Variants in PDSS2 observed in about 807,000 individuals in gnomAD.
PDSS2 encodes all trans-polyprenyl-diphosphate synthase PDSS2.
A neutral mutation model predicts 44.5 loss-of-function variants in PDSS2; 31 were observed. The observed-to-expected ratio is 0.70, with a 90% CI of 0.52 to 0.94. PDSS2 has a LOEUF of 0.94. Among genes scored for constraint, PDSS2 ranks in the 40% least tolerant of loss-of-function variants. The pLI is 0.00. For missense variants in PDSS2, 452 were observed against 482.2 expected, an observed-to-expected ratio of 0.94 and a Z score of 0.59; for synonymous variants, 157 against 180.3, an observed-to-expected ratio of 0.87 and a Z score of 1.03.
At chr6:107,256,202 G>A (rs927925089) in intron 3 of PDSS2, among the ~76,000 whole-genome samples, 3 of 152,070 alleles carry the variant, frequency 2.0e-5, no homozygotes, top group African/African-American at 7.2e-5. Context: ...TGTTGCCCAG[G>A]CTGGTCTCGA....
intron 1 of PDSS2, among the ~76,000 whole-genome samples, chr6:107,420,832 A>G (rs1196233286): frequency 1.3e-5 from 2 of 151,986 alleles, no homozygotes; most frequent in African/African-American, 4.8e-5. Flanking sequence ...AAAGAAAAAA[A>G]AAAAACCAGT....
At chr6:107,458,412 C>CAAAAAAAAATAAA (rs1782121420) in intron 1 of PDSS2, among the ~76,000 whole-genome samples, 1 of 78,182 alleles carries the variant, frequency 1.3e-5, no homozygotes, top group South Asian at 3.6e-4. Flanking sequence ...GACTCCGTCT[C>CAAAAAAAAATAAA]AAAAAAAAAA....
chr6:107,413,999 T>C (rs1175305643), intron 1 of PDSS2, among the ~76,000 whole-genome samples: 1 of 152,064 alleles, frequency 6.6e-6, no homozygotes, highest in Non-Finnish European at 1.5e-5. Flanking sequence ...TCTACAAAGT[T>C]AGAAAGAAAA....
chr6:107,257,631 T>C lies in PDSS2; in HGVS notation c.631-12012A>G, dbSNP rs188694488. Among the ~76,000 whole-genome samples the C allele has an allele frequency of 6.6e-5, 10 of 152,208 alleles. No individual in the cohort carries two copies. In the East Asian group the frequency reaches 1.9e-3, roughly 29 times the overall value. ...GATATACATACAATTGGCTTTTTTT[T>C]TTCTTCCCCTGAGACAGGATCTCTA... On this transcript the variant is annotated intron_variant, in intron 3 of 7. Coordinates refer to ENST00000369037, the MANE Select transcript of PDSS2 (RefSeq NM_020381.4).
chr6:107,298,249 G>C (rs548056089), intron 2 of PDSS2, among the ~76,000 whole-genome samples: 1 of 152,086 alleles, frequency 6.6e-6, no homozygotes, highest in Non-Finnish European at 1.5e-5. Context: ...TTGGCCATTG[G>C]TATTGGTGGG....
intron 2 of PDSS2, among the ~76,000 whole-genome samples, chr6:107,296,959 G>A (rs1011258275): frequency 3.3e-5 from 5 of 152,180 alleles, no homozygotes; most frequent in South Asian, 2.1e-4. Context: ...TGTTGTAAGA[G>A]AAGTGGAAAT....
intron 7 of PDSS2, among the ~76,000 whole-genome samples, chr6:107,182,634 T>A (rs1295531957): frequency 2.0e-5 from 3 of 152,308 alleles, no homozygotes; most frequent in Non-Finnish European, 4.4e-5. Context: ...CTATAATTTA[T>A]TTTTGATATA....
At chr6:107,325,931 GT>G (rs1223585995) in intron 2 of PDSS2, among the ~76,000 whole-genome samples, 1 of 152,034 alleles carries the variant, frequency 6.6e-6, no homozygotes, top group African/African-American at 2.4e-5. Context: ...ATAGTGTCAA[GT>G]TTTGGAACTT....
chr6:107,266,021 TA>T (rs890940436), intron 3 of PDSS2, among the ~76,000 whole-genome samples: 16 of 152,282 alleles, frequency 1.1e-4, no homozygotes, highest in African/African-American at 3.8e-4. Flanking sequence ...CTCCTCCTTC[TA>T]AAAAAACCAT....
At chr6:107,440,446 A>G (rs1781480991) in intron 1 of PDSS2, among the ~76,000 whole-genome samples, 1 of 152,232 alleles carries the variant, frequency 6.6e-6, no homozygotes, top group Non-Finnish European at 1.5e-5. Flanking sequence ...ATAGCCTATG[A>G]CAACATAGAC....
intron 1 of PDSS2, among the ~76,000 whole-genome samples, chr6:107,394,388 T>C (rs1779877107): frequency 6.6e-6 from 1 of 152,108 alleles, no homozygotes; most frequent in South Asian, 2.1e-4. Flanking sequence ...CTTACAATCA[T>C]GGCAGAAGGC....
chr6:107,395,505 A>G (rs1426496138), intron 1 of PDSS2, among the ~76,000 whole-genome samples: 1 of 152,098 alleles, frequency 6.6e-6, no homozygotes, highest in African/African-American at 2.4e-5. Context: ...GTAATTTTTA[A>G]TATAATTGAT....
At chr6:107,223,365 A>G (rs2114691691) in intron 4 of PDSS2, among the ~76,000 whole-genome samples, 2 of 150,940 alleles carry the variant, frequency 1.3e-5, no homozygotes, top group African/African-American at 2.5e-5. Flanking sequence ...CTCTGTCTCT[A>G]CCAAAAATAC....
At chr6:107,374,621 G>A (rs1223718070) in intron 1 of PDSS2, among the ~76,000 whole-genome samples, 1 of 152,248 alleles carries the variant, frequency 6.6e-6, no homozygotes, top group African/African-American at 2.4e-5. Flanking sequence ...TGCCATGATA[G>A]TGATTTGCAC....
intron 2 of PDSS2, among the ~76,000 whole-genome samples, chr6:107,318,310 C>T (rs969629245): frequency 1.3e-4 from 20 of 152,110 alleles, no homozygotes; most frequent in South Asian, 6.2e-4. Flanking sequence ...ACAGCTCTAA[C>T]AGGAGACCAG....
At chr6:107,375,126 A>T (rs543499929) in intron 1 of PDSS2, among the ~76,000 whole-genome samples, 17 of 152,086 alleles carry the variant, frequency 1.1e-4, no homozygotes, top group Non-Finnish European at 1.6e-4. Flanking sequence ...TTAAATGCTT[A>T]TATTAGAAAA....
chr6:107,406,798 A>ACT (rs1383667777), intron 1 of PDSS2, among the ~76,000 whole-genome samples: 1 of 152,226 alleles, frequency 6.6e-6, no homozygotes, highest in East Asian at 1.9e-4. Flanking sequence ...AAATCACTAT[A>ACT]CTCTTAAAGT....
At chr6:107,372,257 C>A (rs1257106134) in intron 1 of PDSS2, among the ~76,000 whole-genome samples, 1 of 151,774 alleles carries the variant, frequency 6.6e-6, no homozygotes, top group East Asian at 1.9e-4. Flanking sequence ...TTTTTGGTTT[C>A]TCTCTCACTG....
intron 5 of PDSS2, 55 bp from the exon 6 acceptor site, chr6:107,210,625 T>TTTAG (rs1158184687): frequency 8.5e-7 from 1 of 1,177,250 alleles, no homozygotes; most frequent in African/African-American, 1.5e-5. Flanking sequence ...ACTAGTATGT[T>TTTAG]TTAGTTATAT....
Sources: allele counts gnomAD v4.1 joint callset (sites outside exome capture counted in the v4.1 genomes callset), GRCh38; gene constraint gnomAD v4.1.1; transcripts MANE v1.5; gene names NCBI Gene and HGNC (gene_info 2026-07-23, HGNC 2026-07-21).